Variants in LRRC37A2 observed in about 807,000 individuals in gnomAD.
LRRC37A2 encodes leucine rich repeat containing 37 member A2, also known as leucine-rich repeat-containing protein 37A2.
LRRC37A2 carries 9 observed loss-of-function variants against 68.8 expected under a neutral mutation model. The observed-to-expected ratio is 0.13, with a 90% confidence interval of 0.08 to 0.23. The LOEUF is 0.23. Among genes scored for constraint, LRRC37A2 ranks in the 10% least tolerant of loss-of-function variants. LRRC37A2 has a pLI of 1.00. For missense variants in LRRC37A2, 168 were observed against 950.4 expected, an observed-to-expected ratio of 0.18 and a Z score of 10.82; for synonymous variants, 63 against 367.6, an observed-to-expected ratio of 0.17 and a Z score of 9.48.
At chr17:46,968,126 G>A in the LRRC37A2 span, among the ~76,000 whole-genome samples, 1 of 152,028 alleles carries the variant, frequency 6.6e-6, no homozygotes, top group Non-Finnish European at 1.5e-5. Flanking sequence ...CCTCACTGCT[G>A]TTCCTTCTCT....
At chr17:47,036,331 C>T in the LRRC37A2 span, among the ~76,000 whole-genome samples, 3 of 151,854 alleles carry the variant, frequency 2.0e-5, no homozygotes, top group Non-Finnish European at 2.9e-5. Context: ...CTGCCTTCAG[C>T]TAGTAATACT....
the LRRC37A2 span, among the ~76,000 whole-genome samples, chr17:46,424,629 C>G: frequency 4.5e-5 from 5 of 111,728 alleles, no homozygotes; most frequent in Non-Finnish European, 1.0e-4. Flanking sequence ...TTTTAATTGA[C>G]AGATAATAAT....
the LRRC37A2 span, chr17:46,768,207 G>T: frequency 1.3e-6 from 2 of 1,526,322 alleles, no homozygotes; most frequent in Non-Finnish European, 8.9e-7. This position sits in a 1 kb window ranked among gnomAD's most constrained non-coding sequence, Gnocchi z 5.0. Flanking sequence ...GTGTGTCTTG[G>T]ATAGCTTAGA....
the LRRC37A2 span, chr17:46,940,098 C>T: frequency 8.7e-7 from 1 of 1,152,152 alleles, no homozygotes; most frequent in Non-Finnish European, 1.1e-6. Flanking sequence ...ATTTCCCTTC[C>T]TTTCTGTGTT....
At chr17:46,907,674 C>CAAA in the LRRC37A2 span, among the ~76,000 whole-genome samples, 13 of 40,188 alleles carry the variant, frequency 3.2e-4, no homozygotes, top group Admixed American at 4.0e-4. Flanking sequence ...TCCATCTCTA[C>CAAA]AAAAAAAAAA....
chr17:46,755,720 T>G, the LRRC37A2 span: 1 of 1,297,700 alleles, frequency 7.7e-7, no homozygotes, highest in Non-Finnish European at 1.1e-6. Context: ...AAGCTTTTAG[T>G]GATTTTTTTT....
At chr17:46,938,409 T>C in the LRRC37A2 span, among the ~76,000 whole-genome samples, 8 of 152,296 alleles carry the variant, frequency 5.3e-5, no homozygotes, top group South Asian at 1.7e-3. Context: ...TTAGCGTTGC[T>C]CTGGTACCTT....
chr17:46,945,780 C>T, the LRRC37A2 span, among the ~76,000 whole-genome samples: 2 of 152,104 alleles, frequency 1.3e-5, no homozygotes, highest in South Asian at 2.1e-4. Flanking sequence ...GAGTGGGGAC[C>T]TCTATAGGAG....
the LRRC37A2 span, chr17:46,932,044 A>ATC: frequency 4.3e-6 from 7 of 1,610,860 alleles, no homozygotes; most frequent in Non-Finnish European, 5.9e-6. Flanking sequence ...CTGGAATTTA[A>ATC]TCTCTCTCTC....
the LRRC37A2 span, chr17:46,876,202 G>A: frequency 1.3e-6 from 2 of 1,528,628 alleles, no homozygotes; most frequent in Non-Finnish European, 1.8e-6. Context: ...CTGGCTGCTG[G>A]GCCCAGGCCT....
the LRRC37A2 span, among the ~76,000 whole-genome samples, chr17:47,025,261 T>C: frequency 6.6e-6 from 1 of 152,176 alleles, no homozygotes; most frequent in Non-Finnish European, 1.5e-5. Context: ...TTTAGTAGGA[T>C]GAAAGGAACT....
chr17:46,714,635 G>GCAA, the LRRC37A2 span, among the ~76,000 whole-genome samples: 1 of 152,142 alleles, frequency 6.6e-6, no homozygotes, highest in South Asian at 2.1e-4. Context: ...CAAGTGCCAT[G>GCAA]CAACAACAAC....
At chr17:46,902,863 A>G in the LRRC37A2 span, among the ~76,000 whole-genome samples, 1 of 152,194 alleles carries the variant, frequency 6.6e-6, no homozygotes, top group Non-Finnish European at 1.5e-5. Context: ...GACTCACCTA[A>G]GCCAGGTGTG....
the LRRC37A2 span, among the ~76,000 whole-genome samples, chr17:47,001,484 T>A: frequency 0.47 from 71,674 of 151,898 alleles, 17,694 homozygotes; most frequent in Non-Finnish European, 0.55. Flanking sequence ...TTTGAACATT[T>A]TAGGCAGATT....
At chr17:46,941,225 T>A in the LRRC37A2 span, 2 of 996,238 alleles carry the variant, frequency 2.0e-6, no homozygotes, top group Non-Finnish European at 2.4e-6. Context: ...GAGTCTTGAT[T>A]TTTTAGACTT....
chr17:46,728,813 A>C, the LRRC37A2 span: 1 of 1,351,164 alleles, frequency 7.4e-7, no homozygotes, highest in Non-Finnish European at 1.0e-6. Context: ...GAATATGTAC[A>C]TGTGTATCAA....
chr17:47,034,895 T>C, the LRRC37A2 span: 5 of 152,210 alleles, frequency 3.3e-5, no homozygotes, highest in African/African-American at 1.2e-4. Context: ...CATGTGGCAC[T>C]CACATTCTTT....
the LRRC37A2 span, among the ~76,000 whole-genome samples, chr17:46,501,016 C>T: frequency 6.6e-6 from 1 of 151,150 alleles, no homozygotes; most frequent in Non-Finnish European, 1.5e-5. Flanking sequence ...CCCGTCTCTA[C>T]TAAAAATACA....
chr17:46,771,340 C>CT, the LRRC37A2 span, among the ~76,000 whole-genome samples: 2 of 151,972 alleles, frequency 1.3e-5, no homozygotes, highest in Non-Finnish European at 2.9e-5. Flanking sequence ...CGCCCCAATC[C>CT]TAGACGCCCC....
Sources: gnomAD v4.1 joint callset for allele counts (sites outside exome capture counted in the v4.1 genomes callset) on GRCh38, gnomAD v4.1.1 for gene constraint, Gnocchi (gnomAD v3.1) non-coding constraint, MANE v1.5 for transcripts, NCBI Gene and HGNC (gene_info 2026-07-23, HGNC 2026-07-21) for gene names.